Variants in ZNF704 observed in about 807,000 individuals in gnomAD.
ZNF704 encodes the protein glucocorticoid induced gene 1.
ZNF704 carries 10 observed loss-of-function variants against 44.7 expected under a neutral mutation model. The observed-to-expected ratio is 0.22, with a 90% CI of 0.14 to 0.38. The LOEUF (loss-of-function observed/expected upper bound fraction) is 0.38, where lower values mean the gene tolerates loss of function less well. Among genes scored for constraint, ZNF704 ranks in the 10% least tolerant of loss-of-function variants. The pLI is 1.00. For synonymous variants in ZNF704, 211 were observed against 207.6 expected, an observed-to-expected ratio of 1.02 and a Z score of -0.14; for missense variants, 390 against 545.5, an observed-to-expected ratio of 0.71 and a Z score of 2.84.
intron 1 of ZNF704, among the ~76,000 whole-genome samples, chr8:80,842,227 T>A (rs1352427474): frequency 6.6e-6 from 1 of 152,170 alleles, no homozygotes; most frequent in Non-Finnish European, 1.5e-5. Flanking sequence ...ACTAGGTTGA[T>A]CTGGAGAAGT....
At chr8:80,845,280 C>A (rs1458215669) in intron 1 of ZNF704, among the ~76,000 whole-genome samples, 1 of 152,172 alleles carries the variant, frequency 6.6e-6, no homozygotes, top group Non-Finnish European at 1.5e-5. Context: ...AAATCCAATA[C>A]AGATAATTTC....
intron 2 of ZNF704, among the ~76,000 whole-genome samples, chr8:80,743,511 A>G: frequency 6.6e-6 from 1 of 152,240 alleles, no homozygotes. Flanking sequence ...AGAGAATCAC[A>G]TGCCTAGGAT....
intron 1 of ZNF704, among the ~76,000 whole-genome samples, chr8:80,841,726 A>G (rs1808682994): frequency 6.6e-6 from 1 of 152,190 alleles, no homozygotes; most frequent in Non-Finnish European, 1.5e-5. Context: ...CCTAGCAGAG[A>G]TACATATCAA....
chr8:80,850,257 A>C lies in ZNF704; in HGVS notation c.-22+24314T>G, dbSNP rs187751259. On this transcript the variant is annotated intron_variant, in intron 1 of 8. Transcript: ENST00000327835. Reference sequence around the variant, plus strand: ...CTTTTTTTGTCCGTTATTTTTCTGTAATATAGAAATGTAACTGTTCATTTT... The same window carrying C: ...CTTTTTTTGTCCGTTATTTTTCTGTCATATAGAAATGTAACTGTTCATTTT... 1.2e-4 allele frequency among the ~76,000 whole-genome samples: 18 copies of C among 152,276 alleles called. No homozygotes were observed. In the East Asian group the frequency reaches 3.3e-3, roughly 28 times the overall value.
Position 80,641,322 on chromosome 8 carries a change from G to T in ZNF704, c.*44C>A. On this transcript the variant is annotated 3_prime_UTR_variant, in exon 9 of 9. Coordinates refer to ENST00000327835, the MANE Select transcript of ZNF704 (RefSeq NM_001033723.3). Reference sequence around the variant, plus strand: ...CCAACACCTGCAGTGGCAGGCCAGGGCAGGAGCGGCTCAGGGCCCTGAGCC... The same window carrying T: ...CCAACACCTGCAGTGGCAGGCCAGGTCAGGAGCGGCTCAGGGCCCTGAGCC... The T allele has an allele frequency of 7.5e-7, 1 of 1,324,650 alleles. No individual in the cohort carries two copies. 82.1% of individuals were successfully genotyped at this position (1,324,650 alleles called of 1,614,324 possible). A position where few individuals can be genotyped will look rare whatever the true frequency, so the allele number is the denominator to read the frequency against.
chr8:80,684,989 C>T (rs771973811), intron 4 of ZNF704, among the ~76,000 whole-genome samples: 80 of 152,018 alleles, frequency 5.3e-4, no homozygotes, highest in Non-Finnish European at 1.0e-3. Context: ...CAATCAGCAT[C>T]CTATTCGTCT....
intron 2 of ZNF704, among the ~76,000 whole-genome samples, chr8:80,774,650 G>A (rs1563548877): frequency 6.6e-6 from 1 of 152,334 alleles, no homozygotes; most frequent in East Asian, 1.9e-4. Context: ...TCCAGCAGGA[G>A]TATTAGCACA....
intron 2 of ZNF704, among the ~76,000 whole-genome samples, chr8:80,778,660 G>A (rs1415486346): frequency 2.6e-5 from 4 of 152,046 alleles, no homozygotes; most frequent in East Asian, 1.9e-4. Flanking sequence ...TACCCATCAC[G>A]GAATACTATG....
chr8:80,743,039 T>C (rs907892617), intron 2 of ZNF704, among the ~76,000 whole-genome samples: 2 of 151,798 alleles, frequency 1.3e-5, no homozygotes, highest in Non-Finnish European at 2.9e-5. Context: ...GGTAAAGAAA[T>C]AGCCAAACAT....
chr8:80,683,348 T>A (rs56069360), intron 4 of ZNF704, among the ~76,000 whole-genome samples: 17,822 of 152,224 alleles, frequency 0.12, 3,091 homozygotes, highest in African/African-American at 0.38. Flanking sequence ...AGGTTCCTTA[T>A]GGGTGACGGA....
At chr8:80,850,134 C>A (rs1808833167) in intron 1 of ZNF704, among the ~76,000 whole-genome samples, 1 of 152,086 alleles carries the variant, frequency 6.6e-6, no homozygotes, top group East Asian at 1.9e-4. Flanking sequence ...GAAATTCACT[C>A]CTAAAAGTCA....
chr8:80,862,732 T>C (rs112318772), intron 1 of ZNF704, among the ~76,000 whole-genome samples: 1,337 of 121,070 alleles, frequency 0.011, 11 homozygotes, highest in Middle Eastern at 0.033. Context: ...ACCAGTGTAC[T>C]CCAGCCTGGG....
chr8:80,720,157 A>G (rs1184303983), intron 2 of ZNF704, among the ~76,000 whole-genome samples: 3 of 152,132 alleles, frequency 2.0e-5, no homozygotes, highest in Non-Finnish European at 2.9e-5. Context: ...CCCATCACCC[A>G]GATGTGACTC....
chr8:80,699,349 C>T (rs567732982), intron 2 of ZNF704, among the ~76,000 whole-genome samples: 110 of 152,076 alleles, frequency 7.2e-4, no homozygotes, highest in Non-Finnish European at 1.2e-3. Context: ...ATTTTAGCTG[C>T]TATTTCTTTT....
At chr8:80,648,320 A>C (rs1390320764) in intron 7 of ZNF704, among the ~76,000 whole-genome samples, 3 of 152,172 alleles carry the variant, frequency 2.0e-5, no homozygotes, top group African/African-American at 7.2e-5. Flanking sequence ...AGTTCAGTAC[A>C]TGCATTTCGA....
intron 2 of ZNF704, among the ~76,000 whole-genome samples, chr8:80,731,104 T>C (rs1386625289): frequency 6.6e-6 from 1 of 152,226 alleles, no homozygotes; most frequent in Non-Finnish European, 1.5e-5. Context: ...GAAGCCAGAA[T>C]GGCCATCTGT....
chr8:80,685,833 T>C (rs1818525659), intron 4 of ZNF704, among the ~76,000 whole-genome samples: 2 of 152,236 alleles, frequency 1.3e-5, no homozygotes, highest in African/African-American at 2.4e-5. Context: ...GAAGGCATTG[T>C]TGGATCAATG....
chr8:80,682,967 T>C (rs1162509196), intron 4 of ZNF704, among the ~76,000 whole-genome samples: 1 of 152,234 alleles, frequency 6.6e-6, no homozygotes, highest in Non-Finnish European at 1.5e-5. Flanking sequence ...ATCAGGGATC[T>C]GGCATGGAAA....
chr8:80,730,390 T>C (rs1806558606), intron 2 of ZNF704, among the ~76,000 whole-genome samples: 2 of 151,740 alleles, frequency 1.3e-5, no homozygotes, highest in Non-Finnish European at 2.9e-5. Flanking sequence ...ATACAAAAAA[T>C]TAGCCAGGCA....
Sources: gnomAD v4.1 joint callset for allele counts (sites outside exome capture counted in the v4.1 genomes callset) on GRCh38, gnomAD v4.1.1 for gene constraint, MANE v1.5 for transcripts, NCBI Gene and HGNC (gene_info 2026-07-23, HGNC 2026-07-21) for gene names.